The following SNX29 variants were observed in gnomAD, a reference collection of about 807,000 sequenced individuals.
The protein encoded by SNX29 is sorting nexin 29.
Under a neutral mutation model 102.1 loss-of-function variants are expected in SNX29, and 78 were observed. That is an observed-to-expected ratio of 0.76 (90% CI 0.64 to 0.92). The LOEUF is 0.92. SNX29 is among the 40% of genes least tolerant of loss of function. The pLI, the probability that SNX29 is intolerant of heterozygous loss-of-function variation, is 0.00. For missense variants in SNX29, 1,280 were observed against 1,061.7 expected, an observed-to-expected ratio of 1.21 and a Z score of -2.86; for synonymous variants, 580 against 414.5, an observed-to-expected ratio of 1.40 and a Z score of -4.85.
intron 14 of SNX29, 136 bp downstream of exon 14, chr16:12,199,819 C>T: frequency 1.4e-6 from 1 of 714,148 alleles, no homozygotes; most frequent in South Asian, 2.0e-5. Context: ...CTCAGCGTTC[C>T]AGAAAATTAA....
chr16:12,437,096 A>G (rs1360928790), intron 18 of SNX29, among the ~76,000 whole-genome samples: 1 of 152,284 alleles, frequency 6.6e-6, no homozygotes, highest in Admixed American at 6.5e-5. Flanking sequence ...AATGAGAGAC[A>G]GAGAAAGCAA....
intron 11 of SNX29, among the ~76,000 whole-genome samples, chr16:12,094,234 C>T (rs750747826): frequency 2.0e-5 from 3 of 151,948 alleles, no homozygotes; most frequent in African/African-American, 4.8e-5. Context: ...CCTGAGCTAT[C>T]GAAGGGTGTT....
chr16:12,513,975 C>A (rs556601017), intron 19 of SNX29, among the ~76,000 whole-genome samples: 1 of 152,324 alleles, frequency 6.6e-6, no homozygotes, highest in South Asian at 2.1e-4. Context: ...CTGCTCAGGC[C>A]TGGGTGCTGG....
chr16:12,362,553 TCCC>T (rs1199911670), intron 16 of SNX29, among the ~76,000 whole-genome samples: 2 of 11,058 alleles, frequency 1.8e-4, no homozygotes, highest in African/African-American at 6.0e-4. Flanking sequence ...GCTGCTGCAC[TCCC>T]CCCCCACCCC....
chr16:12,547,384 G>C (rs938245781), intron 20 of SNX29, among the ~76,000 whole-genome samples: 2 of 152,198 alleles, frequency 1.3e-5, no homozygotes, highest in African/African-American at 4.8e-5. Flanking sequence ...GTAGAGCTTT[G>C]TTATGGGTGA....
At chr16:12,067,935 C>A (rs1312472820) in intron 9 of SNX29, among the ~76,000 whole-genome samples, 1 of 152,192 alleles carries the variant, frequency 6.6e-6, no homozygotes. Flanking sequence ...CCCGTTAGTT[C>A]CAGAGACTAC....
chr16:12,068,991 C>G, intron 9 of SNX29, 66 bp from the exon 10 acceptor site: 1 of 1,487,264 alleles, frequency 6.7e-7, no homozygotes, highest in Non-Finnish European at 9.3e-7. Flanking sequence ...TGCATTGTGT[C>G]TTTGTCTTAT....
At chr16:12,013,488 GA>G (rs564156499) in intron 3 of SNX29, among the ~76,000 whole-genome samples, 28 of 12,974 alleles carry the variant, frequency 2.2e-3, no homozygotes, top group African/African-American at 4.2e-3. Flanking sequence ...TCTACTGGGG[GA>G]AAAAAAAAAA....
At position 12,126,629 on chromosome 16, in the gene SNX29, T is replaced by G. The variant is rs768546125; in HGVS notation, c.1403-4T>G. The G allele has an allele frequency of 4.0e-5, 65 of 1,613,792 alleles. No homozygotes were observed. The highest frequency in any genetic ancestry group is 5.3e-5 in the Non-Finnish European group (62 of 1,179,854). On this transcript the variant is annotated splice_polypyrimidine_tract_variant and splice_region_variant and intron_variant, in intron 11 of 20. Transcript: ENST00000566228. ...TTAATCTTGACTTTGTTTTCTTCCC[T>G]TAGGTGAACTGCGCCAGGCCACTGT...
At chr16:12,494,408 G>C (rs2088707198) in intron 19 of SNX29, among the ~76,000 whole-genome samples, 1 of 152,222 alleles carries the variant, frequency 6.6e-6, no homozygotes, top group South Asian at 2.1e-4. Context: ...CGCACTGAGA[G>C]ACGGGCATGG....
At chr16:12,294,793 C>T (rs1489369668) in intron 15 of SNX29, among the ~76,000 whole-genome samples, 2 of 152,148 alleles carry the variant, frequency 1.3e-5, no homozygotes, top group African/African-American at 4.8e-5. Context: ...TGTGTTCAGG[C>T]CTAACACAGC....
chr16:12,052,460 G>A (rs2050348313), intron 8 of SNX29: 2 of 423,944 alleles, frequency 4.7e-6, no homozygotes, highest in Non-Finnish European at 4.4e-6. Context: ...CAAGTGATCT[G>A]CCTGCCTTGG....
chr16:12,323,997 C>G (rs1467301316), intron 15 of SNX29, among the ~76,000 whole-genome samples: 1 of 151,950 alleles, frequency 6.6e-6, no homozygotes, highest in Non-Finnish European at 1.5e-5. Context: ...CAAACTGATC[C>G]TAGAGAAGAA....
At chr16:12,561,589 A>T (rs1250779913) in intron 20 of SNX29, among the ~76,000 whole-genome samples, 1 of 152,062 alleles carries the variant, frequency 6.6e-6, no homozygotes, top group Admixed American at 6.5e-5. Flanking sequence ...TGTCAGCCGC[A>T]TGCTGGTGAC....
intron 14 of SNX29, among the ~76,000 whole-genome samples, chr16:12,245,887 T>A (rs886163078): frequency 6.6e-6 from 1 of 152,158 alleles, no homozygotes; most frequent in South Asian, 2.1e-4. Flanking sequence ...GCAGGTTACG[T>A]GTTTGGACCT....
chr16:12,408,392 G>C (rs2084261539), intron 18 of SNX29, among the ~76,000 whole-genome samples: 1 of 152,234 alleles, frequency 6.6e-6, no homozygotes, highest in South Asian at 2.1e-4. Context: ...CCAAGAGCCA[G>C]GCTGAGATGG....
Position 12,219,939 on chromosome 16 carries a change from C to T in SNX29, c.1678+20256C>T, listed in dbSNP as rs115636588. ...CCCAGCGCACACACGTGTACACACA[C>T]GTGCACGTGCACGCACACACACCCC... is the stretch of plus-strand genomic sequence containing the variant. On this transcript the variant is annotated intron_variant, in intron 14 of 20. Transcript: ENST00000566228. Among the ~76,000 whole-genome samples the T allele has an allele frequency of 4.2e-3, 639 of 151,850 alleles. 4 individuals carry two copies. Among genetic ancestry groups the T allele is most frequent in the African/African-American group, 0.015 (608 of 41,142 alleles).
intron 14 of SNX29, among the ~76,000 whole-genome samples, chr16:12,268,418 G>A (rs1219571562): frequency 6.6e-6 from 1 of 152,240 alleles, no homozygotes; most frequent in African/African-American, 2.4e-5. Context: ...CCCAGGGTCT[G>A]TTTCATCGCA....
At chr16:12,085,521 T>C (rs1180462903) in intron 11 of SNX29, among the ~76,000 whole-genome samples, 3 of 152,280 alleles carry the variant, frequency 2.0e-5, no homozygotes, top group African/African-American at 7.2e-5. Flanking sequence ...GAGGTGGGGT[T>C]TTGCCATGTT....
Sources: gnomAD v4.1 joint callset for allele counts (sites outside exome capture counted in the v4.1 genomes callset) on GRCh38, gnomAD v4.1.1 for gene constraint, MANE v1.5 for transcripts, NCBI Gene and HGNC (gene_info 2026-07-23, HGNC 2026-07-21) for gene names.